CEP128: variants seen among roughly 807,000 people sequenced by gnomAD.
The protein encoded by CEP128 is centrosomal protein 128kDa.
A neutral mutation model predicts 156.7 loss-of-function variants in CEP128; 132 were observed. That is an observed-to-expected ratio of 0.84 (90% CI 0.73 to 0.97). The LOEUF (loss-of-function observed/expected upper bound fraction) is 0.97, where lower values mean the gene tolerates loss of function less well. CEP128 is among the 50% of genes least tolerant of loss of function. CEP128 has a pLI of 0.00. For missense variants in CEP128, 1,252 were observed against 1,281.9 expected (o/e 0.98, Z 0.36); for synonymous variants, 469 against 448.9 (o/e 1.04, Z -0.57).
chr14:80,627,497 A>T (rs1230986810), intron 19 of CEP128, among the ~76,000 whole-genome samples: 1 of 152,186 alleles, frequency 6.6e-6, no homozygotes, highest in Non-Finnish European at 1.5e-5. Context: ...TGTAAGGCCC[A>T]TTGTAGATGT....
intron 19 of CEP128, among the ~76,000 whole-genome samples, chr14:80,590,207 T>G (rs551591262): frequency 6.6e-6 from 1 of 152,270 alleles, no homozygotes; most frequent in South Asian, 2.1e-4. Flanking sequence ...TTTACACACC[T>G]GAAAATTTCC....
Position 80,531,739 on chromosome 14 carries a change from G to A in CEP128, c.2881-853C>T, listed in dbSNP as rs574091421. Among the ~76,000 whole-genome samples the A allele has an allele frequency of 6.4e-4, 98 of 152,124 alleles. 1 individual carries two copies. The highest frequency in any genetic ancestry group is 3.4e-3 in the Middle Eastern group (1 of 294). On this transcript the variant is annotated intron_variant, in intron 21 of 24. Coordinates refer to ENST00000555265, the MANE Select transcript of CEP128 (RefSeq NM_152446.5). ...TATGGCTGACGCATGGGAAGAAAGA[G>A]AAGTGTACTGCAAGAACCTAGACAT...
rs900892957 is a variant in CEP128, at chr14:80,616,911, C to T, written c.2807-36488G>A. ...GAACAGAAATGATATAATAAAAGTT[C>T]CCACTGTCTAGTCTATCACAGAGCA... On this transcript the variant is annotated intron_variant, in intron 19 of 24. Coordinates refer to ENST00000555265, the MANE Select transcript of CEP128 (RefSeq NM_152446.5). Among the ~76,000 whole-genome samples the T allele has an allele frequency of 3.3e-5, 5 of 152,138 alleles. No homozygotes were observed. In the East Asian group the frequency reaches 7.7e-4, roughly 23 times the overall value.
intron 9 of CEP128, among the ~76,000 whole-genome samples, chr14:80,852,828 C>T (rs2140123843): frequency 6.6e-6 from 1 of 151,820 alleles, no homozygotes; most frequent in East Asian, 1.9e-4. Context: ...CTAATGTAAC[C>T]ATGCTTCTAA....
At chr14:80,916,895 A>T (rs559322000) in intron 2 of CEP128, among the ~76,000 whole-genome samples, 2 of 152,168 alleles carry the variant, frequency 1.3e-5, no homozygotes, top group African/African-American at 4.8e-5. Context: ...CCTACCAACA[A>T]CACCATAAGG....
chr14:80,766,562 T>G (rs1326371184), intron 16 of CEP128, among the ~76,000 whole-genome samples: 1 of 152,050 alleles, frequency 6.6e-6, no homozygotes, highest in East Asian at 1.9e-4. Flanking sequence ...TAAAAGGTTA[T>G]GAGATTCCTT....
intron 6 of CEP128, 120 bp from the exon 7 acceptor site, chr14:80,900,149 T>C (rs565205237): frequency 3.2e-6 from 2 of 621,704 alleles, no homozygotes; most frequent in East Asian, 2.8e-5. Flanking sequence ...CGTAATATTA[T>C]TATGAAAGAA....
In CEP128 at chr14:80,729,058, G is replaced by GGTGTGTGTGTGT. The variant is rs559470308; in HGVS notation, c.2806+14005_2806+14016dup. Among the ~76,000 whole-genome samples, 463 of 104,974 alleles carry GGTGTGTGTGTGT rather than the reference G, an allele frequency of 4.4e-3. 14 individuals are homozygous for GGTGTGTGTGTGT. The highest frequency in any genetic ancestry group is 7.8e-3 in the East Asian group (25 of 3,202). 68.9% of individuals were successfully genotyped at this position (104,974 alleles called of 152,430 possible). ...CCTAGTCCCAGGCTGGGCTGGTGGG[G>GGTGTGTGTGTGT]GTGTGTGTGTGTGTGTGTGTGTGTG... On this transcript the variant is annotated intron_variant, in intron 19 of 24. Transcript: ENST00000555265.
chr14:80,657,887 A>C (rs1895241342), intron 19 of CEP128, among the ~76,000 whole-genome samples: 1 of 152,198 alleles, frequency 6.6e-6, no homozygotes, highest in African/African-American at 2.4e-5. Flanking sequence ...ACATGTACTG[A>C]TGTTAGCAGG....
chr14:80,504,829 T>C, intron 24 of CEP128, 83 bp downstream of exon 24: 1 of 585,316 alleles, frequency 1.7e-6, no homozygotes, highest in Non-Finnish European at 3.0e-6. Context: ...ATTACTATCA[T>C]ATACTGGCCT....
chr14:80,627,241 T>C (rs1263972706), intron 19 of CEP128, among the ~76,000 whole-genome samples: 1 of 152,328 alleles, frequency 6.6e-6, no homozygotes, highest in East Asian at 1.9e-4. Context: ...TTCCAGTTAA[T>C]GGTGAGGACA....
chr14:80,557,492 C>T lies in CEP128; in HGVS notation c.2880+1787G>A, dbSNP rs140106539. Among the ~76,000 whole-genome samples, 340 of 152,246 alleles carry T rather than the reference C, an allele frequency of 2.2e-3. 1 individual carries two copies. Among genetic ancestry groups the T allele is most frequent in the African/African-American group, 7.8e-3 (325 of 41,552 alleles). The stretch of plus-strand genomic sequence containing the variant: ...TCCAGGTCTTCAAACTCAAAAATTA[C>T]GTTTTTGTCCAGATTTTTTAAAAAA... On this transcript the variant is annotated intron_variant, in intron 21 of 24. Transcript: ENST00000555265.
intron 8 of CEP128, among the ~76,000 whole-genome samples, chr14:80,874,907 C>T (rs188546454): frequency 8.4e-4 from 128 of 152,264 alleles, no homozygotes; most frequent in African/African-American, 2.8e-3. Flanking sequence ...CGTGAGCCAC[C>T]GCGCCTGGCC....
At chr14:80,486,625 T>C (rs929071642), downstream of CEP128, among the ~76,000 whole-genome samples, 4 of 152,166 alleles carry the variant, frequency 2.6e-5, no homozygotes, top group East Asian at 1.9e-4. Flanking sequence ...GAGAGAAACG[T>C]TGGGTTACCC....
intron 8 of CEP128, among the ~76,000 whole-genome samples, chr14:80,881,781 C>A (rs144139632): frequency 0.015 from 2,340 of 152,174 alleles, 25 homozygotes; most frequent in Middle Eastern, 0.054. Flanking sequence ...GCAAATTAAT[C>A]AATGAGATAC....
At chr14:80,532,639 A>G (rs923829313) in intron 21 of CEP128, among the ~76,000 whole-genome samples, 3 of 152,170 alleles carry the variant, frequency 2.0e-5, no homozygotes, top group African/African-American at 4.8e-5. Flanking sequence ...AATTACTCCA[A>G]TGCAAATGGC....
intron 9 of CEP128, among the ~76,000 whole-genome samples, chr14:80,858,637 A>C (rs1440170712): frequency 6.7e-6 from 1 of 148,732 alleles, no homozygotes; most frequent in Non-Finnish European, 1.5e-5. Flanking sequence ...AAATTTTCGC[A>C]ACCTACTCAT....
chr14:80,923,309 G>A (rs763107379), intron 2 of CEP128, among the ~76,000 whole-genome samples: 19 of 152,198 alleles, frequency 1.2e-4, no homozygotes, highest in Non-Finnish European at 1.9e-4. Flanking sequence ...ACTCCAACTA[G>A]AGAGAGTAAA....
intron 19 of CEP128, among the ~76,000 whole-genome samples, chr14:80,625,568 A>C (rs1482402970): frequency 6.6e-6 from 1 of 151,976 alleles, no homozygotes; most frequent in Non-Finnish European, 1.5e-5. Flanking sequence ...TAAAAATATC[A>C]ATTCTTGCAA....
Sources: gnomAD v4.1 joint callset for allele counts (sites outside exome capture counted in the v4.1 genomes callset) on GRCh38, gnomAD v4.1.1 for gene constraint, MANE v1.5 for transcripts, NCBI Gene and HGNC (gene_info 2026-07-23, HGNC 2026-07-21) for gene names.